The following BTBD9 variants were observed in gnomAD, a reference collection of about 807,000 sequenced individuals.
BTBD9 encodes BTB domain containing 9.
A neutral mutation model predicts 64.3 loss-of-function variants in BTBD9; 49 were observed. The ratio of observed to expected loss-of-function variants is 0.76; its 90% CI spans 0.61 to 0.97. The LOEUF (loss-of-function observed/expected upper bound fraction) is 0.97. Among genes scored for constraint, BTBD9 ranks in the 50% least tolerant of loss-of-function variants. The pLI is 0.00. For missense variants in BTBD9, 598 were observed against 762.1 expected (o/e 0.78, Z 2.53); for synonymous variants, 260 against 274.7 (o/e 0.95, Z 0.53).
intron 6 of BTBD9, among the ~76,000 whole-genome samples, chr6:38,375,597 GACA>G (rs1765648553): frequency 6.6e-6 from 1 of 152,112 alleles, no homozygotes; most frequent in African/African-American, 2.4e-5. Context: ...TTTGAACTCT[GACA>G]ACAATATCAG....
At chr6:38,443,445 C>T (rs1769131980) in intron 6 of BTBD9, among the ~76,000 whole-genome samples, 1 of 152,162 alleles carries the variant, frequency 6.6e-6, no homozygotes, top group Non-Finnish European at 1.5e-5. Context: ...CTGCCCCTGT[C>T]TCACTTTCCC....
intron 9 of BTBD9, among the ~76,000 whole-genome samples, chr6:38,242,946 T>A (rs1051696620): frequency 6.6e-6 from 1 of 152,250 alleles, no homozygotes; most frequent in Non-Finnish European, 1.5e-5. Context: ...GTTATATGCA[T>A]GCCAATTACA....
intron 6 of BTBD9, among the ~76,000 whole-genome samples, chr6:38,379,310 G>A (rs958484618): frequency 2.0e-5 from 3 of 152,174 alleles, no homozygotes; most frequent in African/African-American, 4.8e-5. Flanking sequence ...AGGTAAGAAT[G>A]GGGTGAAAGC....
At chr6:38,282,696 T>C (rs1761563745) in intron 8 of BTBD9, among the ~76,000 whole-genome samples, 1 of 152,170 alleles carries the variant, frequency 6.6e-6, no homozygotes, top group Non-Finnish European at 1.5e-5. Flanking sequence ...TCCTGTGGCC[T>C]GCCAGGCAAG....
chr6:38,441,787 T>C (rs150360022), intron 6 of BTBD9, among the ~76,000 whole-genome samples: 200 of 152,320 alleles, frequency 1.3e-3, no homozygotes, highest in African/African-American at 4.5e-3. Context: ...GATACTATTC[T>C]AAGTGCTTTA....
At chr6:38,219,129 C>CTTTTTTTTT (rs5875622) in intron 9 of BTBD9, among the ~76,000 whole-genome samples, 77 of 70,872 alleles carry the variant, frequency 1.1e-3, no homozygotes, top group African/African-American at 1.3e-3. Flanking sequence ...ACTTTCTTTT[C>CTTTTTTTTT]TTTTTTTTTT....
chr6:38,298,908 A>T (rs1762268398), intron 7 of BTBD9, among the ~76,000 whole-genome samples: 1 of 150,394 alleles, frequency 6.6e-6, no homozygotes, highest in Non-Finnish European at 1.5e-5. Context: ...CACAACGTGC[A>T]GGTTTGTTAC....
Position 38,273,245 on chromosome 6 carries a change from T to C in BTBD9, c.1454+15027A>G, listed in dbSNP as rs1299124586. Among the ~76,000 whole-genome samples, 9 of 152,316 alleles carry C rather than the reference T, an allele frequency of 5.9e-5. No individual in the cohort carries two copies. In the East Asian group the frequency reaches 1.4e-3, roughly 23 times the overall value. On this transcript the variant is annotated intron_variant, in intron 8 of 10. Transcript: ENST00000481247. ...AAGGAAGAATCAACCCAGTACACTT[T>C]GTAGTACAGTAATGTCCTTTTATCC...
chr6:38,193,948 C>A, intron 9 of BTBD9: 1 of 929,838 alleles, frequency 1.1e-6, no homozygotes, highest in Non-Finnish European at 1.3e-6. Flanking sequence ...TGTGTAAAGT[C>A]TGTGCCCCTG....
intron 6 of BTBD9, among the ~76,000 whole-genome samples, chr6:38,441,469 T>C (rs1282589303): frequency 1.3e-5 from 2 of 152,150 alleles, no homozygotes; most frequent in Non-Finnish European, 2.9e-5. Context: ...TCGTCCGGGC[T>C]GGACAACGCG....
chr6:38,382,516 CA>C (rs35186359), intron 6 of BTBD9, among the ~76,000 whole-genome samples: 172 of 60,254 alleles, frequency 2.9e-3, no homozygotes, highest in Middle Eastern at 0.011. Context: ...GACCTTGTCT[CA>C]AAAAAAAAAA....
intron 6 of BTBD9, among the ~76,000 whole-genome samples, chr6:38,353,532 C>T (rs1764605543): frequency 6.6e-6 from 1 of 152,098 alleles, no homozygotes; most frequent in Admixed American, 6.5e-5. Context: ...TGAACAAATT[C>T]CCATATGGGA....
chr6:38,551,103 C>A (rs2814887), intron 6 of BTBD9, among the ~76,000 whole-genome samples: 39 of 152,122 alleles, frequency 2.6e-4, no homozygotes, highest in African/African-American at 8.2e-4. Flanking sequence ...GCAAACCCAC[C>A]CCATAAACAT....
At chr6:38,248,958 A>G (rs1764299603) in intron 9 of BTBD9, among the ~76,000 whole-genome samples, 1 of 152,222 alleles carries the variant, frequency 6.6e-6, no homozygotes, top group Non-Finnish European at 1.5e-5. Flanking sequence ...ACATCCAGCC[A>G]TGTCACTGTG....
intron 1 of BTBD9, among the ~76,000 whole-genome samples, chr6:38,612,555 A>G (rs2127514084): frequency 6.6e-6 from 1 of 152,356 alleles, no homozygotes; most frequent in East Asian, 1.9e-4. Flanking sequence ...TTCATTAGAA[A>G]CAATGTTGCA....
rs1394194977 is a variant in BTBD9, at chr6:38,569,849, T to C, written c.1154+7751A>G. 2.0e-5 allele frequency among the ~76,000 whole-genome samples: 3 copies of C among 149,734 alleles called. No homozygotes were observed. The East Asian group carries it at 6.1e-4, about 30-fold the overall frequency. On this transcript the variant is annotated intron_variant, in intron 6 of 10. Transcript: ENST00000481247. ...ATAAAAGGGTTCTAGATGAAAATAATAAACAGAAAATTTCCCAACTAAAAA... is the reference window on the plus strand; with the variant it reads ...ATAAAAGGGTTCTAGATGAAAATAACAAACAGAAAATTTCCCAACTAAAAA...
At chr6:38,247,504 G>A (rs1460351687) in intron 9 of BTBD9, among the ~76,000 whole-genome samples, 2 of 152,210 alleles carry the variant, frequency 1.3e-5, no homozygotes, top group Non-Finnish European at 2.9e-5. Context: ...CAGTCAAGGT[G>A]CTTCTCAGGG....
intron 6 of BTBD9, among the ~76,000 whole-genome samples, chr6:38,524,511 T>C (rs374017940): frequency 6.6e-6 from 1 of 152,282 alleles, no homozygotes; most frequent in East Asian, 1.9e-4. Context: ...TGAGCTACCT[T>C]GACCACAAAA....
chr6:38,315,722 G>A (rs190993421), intron 7 of BTBD9, among the ~76,000 whole-genome samples: 2 of 152,156 alleles, frequency 1.3e-5, no homozygotes, highest in East Asian at 3.9e-4. Context: ...CTTGTTTTGC[G>A]GCCTAAGATA....
Sources: gnomAD v4.1 joint callset for allele counts (sites outside exome capture counted in the v4.1 genomes callset) on GRCh38, gnomAD v4.1.1 for gene constraint, MANE v1.5 for transcripts, NCBI Gene and HGNC (gene_info 2026-07-23, HGNC 2026-07-21) for gene names.